Variants in KCNQ5 observed in about 807,000 individuals in gnomAD.
KCNQ5 encodes potassium voltage-gated channel subfamily Q member 5, also known as potassium voltage-gated channel subfamily KQT member 5.
Under a neutral mutation model 98.2 loss-of-function variants are expected in KCNQ5, and 30 were observed. That is an observed-to-expected ratio of 0.31 (90% CI 0.23 to 0.41). The LOEUF (loss-of-function observed/expected upper bound fraction) is 0.41. KCNQ5 is among the 10% of genes least tolerant of loss of function. KCNQ5 has a pLI of 1.00. For synonymous variants in KCNQ5, 458 were observed against 449.4 expected (o/e 1.02, Z -0.24); for missense variants, 835 against 1,182.5 (o/e 0.71, Z 4.31).
intron 6 of KCNQ5, among the ~76,000 whole-genome samples, chr6:73,110,190 AC>A (rs1775180526): frequency 6.6e-6 from 1 of 152,142 alleles, no homozygotes; most frequent in African/African-American, 2.4e-5. Flanking sequence ...TCCATCTCTA[AC>A]CAAAGGGTTA....
chr6:72,696,276 A>AT (rs1245647560), intron 1 of KCNQ5, among the ~76,000 whole-genome samples: 1 of 152,202 alleles, frequency 6.6e-6, no homozygotes, highest in African/African-American at 2.4e-5. Flanking sequence ...TGAAAATAGC[A>AT]TTTTAATAAA....
At chr6:72,702,559 C>G (rs1393267337) in intron 1 of KCNQ5, among the ~76,000 whole-genome samples, 1 of 152,122 alleles carries the variant, frequency 6.6e-6, no homozygotes, top group Non-Finnish European at 1.5e-5. Flanking sequence ...GGAACAAAAG[C>G]TCCCTTTGTT....
chr6:72,919,146 C>G (rs2150214745), intron 1 of KCNQ5, among the ~76,000 whole-genome samples: 1 of 152,228 alleles, frequency 6.6e-6, no homozygotes, highest in East Asian at 1.9e-4. Flanking sequence ...TCATGGCCAA[C>G]CAATGGACGA....
intron 11 of KCNQ5, among the ~76,000 whole-genome samples, chr6:73,190,081 G>GA (rs10707439): frequency 2.9e-4 from 43 of 149,800 alleles, no homozygotes; most frequent in Middle Eastern, 3.4e-3. Flanking sequence ...TAATTTATGG[G>GA]AAAAAAAAAA....
intron 3 of KCNQ5, among the ~76,000 whole-genome samples, chr6:73,076,148 G>A (rs1020144758): frequency 6.6e-6 from 1 of 152,184 alleles, no homozygotes; most frequent in African/African-American, 2.4e-5. Context: ...CACCAGCAGA[G>A]AGGCTCAGAA....
At chr6:72,965,931 A>G (rs79009800) in intron 1 of KCNQ5, among the ~76,000 whole-genome samples, 4,127 of 152,282 alleles carry the variant, frequency 0.027, 65 homozygotes, top group Middle Eastern at 0.082. Context: ...GTTTATGCAG[A>G]TCAACCTCTT....
intron 1 of KCNQ5, among the ~76,000 whole-genome samples, chr6:72,802,820 A>G (rs767189700): frequency 5.8e-4 from 88 of 152,242 alleles, no homozygotes; most frequent in Non-Finnish European, 1.2e-3. Flanking sequence ...ATTACACTGC[A>G]TTCTGGTCTT....
chr6:73,099,510 A>T (rs1370716065), intron 5 of KCNQ5, among the ~76,000 whole-genome samples: 2 of 152,228 alleles, frequency 1.3e-5, no homozygotes, highest in African/African-American at 2.4e-5. Context: ...ATGGAAACCG[A>T]AAAAGAGCAG....
At chr6:72,629,572 C>G (rs928828827) in intron 1 of KCNQ5, among the ~76,000 whole-genome samples, 1 of 152,046 alleles carries the variant, frequency 6.6e-6, no homozygotes, top group Non-Finnish European at 1.5e-5. Flanking sequence ...ACACTATAAA[C>G]AAGAAAGATA....
chr6:73,189,454 A>G (rs1157030900), intron 11 of KCNQ5, among the ~76,000 whole-genome samples: 1 of 152,230 alleles, frequency 6.6e-6, no homozygotes, highest in African/African-American at 2.4e-5. Flanking sequence ...CCTTGAAATC[A>G]GCTGTCACCT....
chr6:72,883,554 C>T (rs1404861472), intron 1 of KCNQ5, among the ~76,000 whole-genome samples: 1 of 152,064 alleles, frequency 6.6e-6, no homozygotes, highest in African/African-American at 2.4e-5. Context: ...GAAGCAAATA[C>T]ACTTGGGATG....
intron 1 of KCNQ5, among the ~76,000 whole-genome samples, chr6:72,641,585 C>T (rs1360385052): frequency 2.0e-5 from 3 of 151,984 alleles, no homozygotes; most frequent in African/African-American, 7.2e-5. Flanking sequence ...GCTTTGCAAG[C>T]ACACTATTTT....
intron 10 of KCNQ5, among the ~76,000 whole-genome samples, chr6:73,148,605 G>A (rs1053853513): frequency 1.1e-4 from 16 of 152,210 alleles, no homozygotes; most frequent in African/African-American, 3.9e-4. Flanking sequence ...CCTGTGCACA[G>A]TATGTTTTAC....
intron 1 of KCNQ5, among the ~76,000 whole-genome samples, chr6:72,775,090 C>T (rs1773095185): frequency 6.6e-6 from 1 of 152,166 alleles, no homozygotes; most frequent in Non-Finnish European, 1.5e-5. Context: ...AACATAAATA[C>T]ATGTGTTATA....
At chr6:72,674,216 A>AT (rs929476247) in intron 1 of KCNQ5, among the ~76,000 whole-genome samples, 187 of 147,000 alleles carry the variant, frequency 1.3e-3, no homozygotes, top group Middle Eastern at 3.6e-3. Context: ...CAATGTTTTG[A>AT]TTTTTTTTTT....
chr6:72,652,586 C>G (rs750233628), intron 1 of KCNQ5, among the ~76,000 whole-genome samples: 3 of 152,002 alleles, frequency 2.0e-5, no homozygotes, highest in Non-Finnish European at 1.5e-5. Flanking sequence ...CTTATCTAAC[C>G]TGAATATCCT....
intron 3 of KCNQ5, among the ~76,000 whole-genome samples, chr6:73,073,125 G>C (rs1773370039): frequency 6.6e-6 from 1 of 151,882 alleles, no homozygotes; most frequent in Non-Finnish European, 1.5e-5. Context: ...CCCCCTTTCT[G>C]TTCCTCCTCC....
chr6:72,817,538 T>G (rs1466573335), intron 1 of KCNQ5, among the ~76,000 whole-genome samples: 1 of 152,292 alleles, frequency 6.6e-6, no homozygotes, highest in East Asian at 1.9e-4. Context: ...AGTGCAATCA[T>G]GGAACCACAA....
intron 1 of KCNQ5, among the ~76,000 whole-genome samples, chr6:72,821,625 T>G (rs2150114226): frequency 7.0e-6 from 1 of 143,640 alleles, no homozygotes; most frequent in Non-Finnish European, 1.5e-5. Context: ...TTTGGTTTTG[T>G]TTTTTTTTTT....
Sources: allele counts gnomAD v4.1 joint callset (sites outside exome capture counted in the v4.1 genomes callset), GRCh38; gene constraint gnomAD v4.1.1; transcripts MANE v1.5; gene names NCBI Gene and HGNC (gene_info 2026-07-23, HGNC 2026-07-21).